The following PCNX1 variants were observed in gnomAD, a reference collection of about 807,000 sequenced individuals.
PCNX1 encodes pecanex-like protein 1.
In PCNX1, 78 loss-of-function variants were observed where a neutral mutation model predicts 242.2. That is an observed-to-expected ratio of 0.32 (90% confidence interval 0.27 to 0.39). PCNX1 has a LOEUF of 0.39. Ranked by LOEUF, PCNX1 falls within the 10% of genes least tolerant of loss-of-function variation. The pLI, the probability that PCNX1 is intolerant of heterozygous loss-of-function variation, is 1.00. For missense variants in PCNX1, 2,581 were observed against 2,856.5 expected, an observed-to-expected ratio of 0.90 and a Z score of 2.20; for synonymous variants, 1,024 against 1,032.9, an observed-to-expected ratio of 0.99 and a Z score of 0.17.
intron 19 of PCNX1, among the ~76,000 whole-genome samples, chr14:71,040,830 C>T (rs1438509209): frequency 6.6e-6 from 1 of 151,998 alleles, no homozygotes; most frequent in South Asian, 2.1e-4. Flanking sequence ...CCCCACCACC[C>T]CTACTACCCT....
chr14:71,110,637 C>G lies in PCNX1; in HGVS notation c.*702C>G, dbSNP rs747734995. ...CACAGGTAGCAGGAACTGTGCTGCT[C>G]ATTTTTCTGTTAGTAGTGTGTACTT... On this transcript the variant is annotated 3_prime_UTR_variant, in exon 36 of 36. Coordinates refer to ENST00000304743, the MANE Select transcript of PCNX1 (RefSeq NM_014982.3). The G allele has an allele frequency of 6.6e-6, 1 of 152,388 alleles. No individual in the cohort carries two copies. The allele number at this position is 152,388 out of a possible 1,614,324, so 9.4% of individuals were successfully genotyped here. A position where few individuals can be genotyped will look rare whatever the true frequency, so the allele number is the denominator to read the frequency against.
At chr14:71,038,636 A>G (rs923995682) in intron 19 of PCNX1, among the ~76,000 whole-genome samples, 3 of 150,686 alleles carry the variant, frequency 2.0e-5, no homozygotes, top group South Asian at 2.1e-4. Flanking sequence ...ACTGTAAACT[A>G]GTTCAACCAT....
chr14:71,097,270 A>G (rs1431917110), intron 30 of PCNX1, among the ~76,000 whole-genome samples: 2 of 152,206 alleles, frequency 1.3e-5, no homozygotes, highest in Non-Finnish European at 2.9e-5. Flanking sequence ...TGTTGCAATG[A>G]ACGTAAGAAT....
chr14:70,951,987 G>T lies in PCNX1; in HGVS notation c.362+4864G>T, dbSNP rs145972181. Among the ~76,000 whole-genome samples the T allele has an allele frequency of 8.8e-3, 1,336 of 152,252 alleles. 9 individuals are homozygous for T. Among genetic ancestry groups the T allele is most frequent in the South Asian group, 0.017 (81 of 4,828 alleles). On this transcript the variant is annotated intron_variant, in intron 2 of 35. Coordinates refer to ENST00000304743, the MANE Select transcript of PCNX1 (RefSeq NM_014982.3). ...CATATTCGTACATTGTGGATAAGTGGACAGAATGTAGACTTCACACTCAGT... is the reference window on the plus strand; with the variant it reads ...CATATTCGTACATTGTGGATAAGTGTACAGAATGTAGACTTCACACTCAGT...
chr14:71,072,450 AGTGCTAAAGAGCACTCTGTAGCT>A (rs927442469), intron 26 of PCNX1, among the ~76,000 whole-genome samples: 2 of 152,176 alleles, frequency 1.3e-5, no homozygotes, highest in South Asian at 2.1e-4. Context: ...AGGGCTATAG[AGTGCTAAAGAGCACTCTGTAGCT>A]GTGCTAAACA....
rs780751932 is a variant in PCNX1 at position 70,976,971 on chromosome 14, C to T, written c.634C>T (p.Leu212Phe). ...DLAADRKLFR[L>F]VSNDSFISIQ... is the part of the protein sequence containing the mutation. ...GGCAGCTGATCGGAAGCTCTTTCGT[C>T]TTGTCTCCAATGACTCCTTCATCTC... The change falls in exon 6 of 36, where the codon CTT (leucine) becomes TTT (phenylalanine). Residue 212 changes from leucine to phenylalanine, a missense_variant. This residue lies in a region of PCNX1 where 1,204 missense variants were observed against 1,216.7 expected (regional missense o/e 0.99). Coordinates refer to ENST00000304743, the MANE Select transcript of PCNX1 (RefSeq NM_014982.3). 6 of 1,613,410 alleles carry T rather than the reference C, an allele frequency of 3.7e-6. No homozygotes were observed. In the East Asian group the frequency reaches 1.3e-4, roughly 36 times the overall value.
intron 26 of PCNX1, among the ~76,000 whole-genome samples, chr14:71,067,082 T>C (rs1300418703): frequency 6.6e-6 from 1 of 151,926 alleles, no homozygotes; most frequent in African/African-American, 2.4e-5. Flanking sequence ...TTTTTTTTTT[T>C]AATGTCTCTG....
In PCNX1 at chr14:71,073,634, C is replaced by G; in HGVS notation, c.4942C>G (p.Pro1648Ala). 1 of 1,613,996 alleles carries G rather than the reference C, an allele frequency of 6.2e-7. No homozygotes were observed. Among genetic ancestry groups the G allele is most frequent in the Admixed American group, 1.7e-5 (1 of 60,002 alleles). Residue 1648 changes from proline (P) to alanine (A), a missense_variant, in exon 27 of 36, where the codon CCT becomes GCT. Physicochemically the swap from Pro to Ala is conservative, Grantham distance 27 (BLOSUM62 -1). Around this residue, in one of 9 missense-constraint regions of PCNX1, gnomAD observed 298 missense variants for 480.1 expected, o/e 0.62. Coordinates refer to ENST00000304743, the MANE Select transcript of PCNX1 (RefSeq NM_014982.3). ...GFCCCEPGHI[P>A]HMLSFNAAFS... Reference sequence around the variant, plus strand: ...TTGCTGTTGTGAACCTGGCCATATTCCTCACATGCTTTCATTTAATGCTGC... The same window carrying G: ...TTGCTGTTGTGAACCTGGCCATATTGCTCACATGCTTTCATTTAATGCTGC...
In PCNX1 at chr14:71,012,558, G is replaced by A. The variant is rs372544896; in HGVS notation, c.2779-427G>A. On this transcript the variant is annotated intron_variant, in intron 10 of 35. Transcript: ENST00000304743. ...CATATTCATAAAGAGTAGGCTGGGC[G>A]CAGTGGCTCCTGCCTGTAATCCCAG... The A allele has an allele frequency of 6.0e-5, 13 of 215,100 alleles. No homozygotes were observed. In the East Asian group the frequency reaches 1.8e-3, roughly 29 times the overall value. The allele number at this position is 215,100 out of a possible 1,614,324, so 13.3% of individuals were successfully genotyped here. A position where few individuals can be genotyped will look rare whatever the true frequency, so the allele number is the denominator to read the frequency against.
At position 71,057,686 on chromosome 14, in the gene PCNX1, G is replaced by A. The variant is rs1028145780; in HGVS notation, c.4814G>A (p.Gly1605Asp). ...GTACACCTTATAGAGATAGGCAATG[G>A]TCTGGTCACTTTTCAGCTGCGGGGA... ...ALVHLIEIGN[G>D]LVTFQLRGLE... Residue 1605 changes from glycine to aspartate, a missense_variant, in exon 26 of 36, where the codon GGT becomes GAT. Physicochemically the swap from Gly to Asp is moderately conservative, Grantham distance 94. This residue lies in a region of PCNX1 where 54 missense variants were observed against 45.3 expected (regional missense o/e 1.19). Transcript: ENST00000304743. The A allele has an allele frequency of 3.7e-6, 6 of 1,613,912 alleles. No individual in the cohort carries two copies. The Middle Eastern group carries it at 9.9e-4, about 266-fold the overall frequency.
rs754238163 is a variant in PCNX1, at chr14:71,110,271, A to G, written c.*336A>G. On this transcript the variant is annotated 3_prime_UTR_variant, in exon 36 of 36. Coordinates refer to ENST00000304743, the MANE Select transcript of PCNX1 (RefSeq NM_014982.3). ...TCAACAAACTCTTCATTTCTAAACT[A>G]TGATCTCATATTTTTCTAATTTCTT... 1.2e-5 allele frequency: 4 copies of G among 323,728 alleles called. No individual in the cohort carries two copies. The highest frequency in any genetic ancestry group is 2.4e-5 in the Non-Finnish European group (4 of 167,498). 20.1% of individuals were successfully genotyped at this position (323,728 alleles called of 1,614,324 possible). A position where few individuals can be genotyped will look rare whatever the true frequency, so the allele number is the denominator to read the frequency against.
chr14:70,910,054 C>G (rs1594862044), intron 1 of PCNX1, among the ~76,000 whole-genome samples: 4 of 101,740 alleles, frequency 3.9e-5, no homozygotes, highest in East Asian at 3.1e-4. Flanking sequence ...CCTCCTCCTC[C>G]TCCTCCTCCC....
At chr14:70,932,968 A>G (rs1011411812) in intron 1 of PCNX1, among the ~76,000 whole-genome samples, 8 of 152,192 alleles carry the variant, frequency 5.3e-5, no homozygotes, top group Non-Finnish European at 8.8e-5. Context: ...ATTTTTTACA[A>G]TAATCCTAAA....
At chr14:70,962,108 T>A in intron 2 of PCNX1, 118 bp from the exon 3 acceptor site, 5 of 670,060 alleles carry the variant, frequency 7.5e-6, no homozygotes, top group Non-Finnish European at 1.3e-5. Context: ...ATTTGCTGGA[T>A]TAAAAATCAG....
At chr14:71,106,765 G>T (rs2062633997) in intron 33 of PCNX1, among the ~76,000 whole-genome samples, 1 of 152,042 alleles carries the variant, frequency 6.6e-6, no homozygotes, top group Admixed American at 6.5e-5. Flanking sequence ...AAAGTGCCTA[G>T]TTACATCTTT....
At chr14:71,043,684 A>C (rs546348609) in intron 19 of PCNX1, among the ~76,000 whole-genome samples, 8 of 152,090 alleles carry the variant, frequency 5.3e-5, no homozygotes, top group African/African-American at 1.9e-4. Context: ...GTTCCCTTTT[A>C]TGAAATATCT....
intron 26 of PCNX1, among the ~76,000 whole-genome samples, chr14:71,061,884 G>T (rs895004818): frequency 6.6e-6 from 1 of 152,146 alleles, no homozygotes; most frequent in African/African-American, 2.4e-5. Context: ...GGAACACATA[G>T]CTGAAGAACA....
chr14:71,036,307 A>G (rs949934339), intron 19 of PCNX1, 150 bp downstream of exon 19: 1 of 557,372 alleles, frequency 1.8e-6, no homozygotes, highest in East Asian at 3.0e-5. Context: ...CTAGGACTAC[A>G]GTTGTGCACC....
chr14:71,076,677 T>C (rs1163470902), intron 28 of PCNX1, among the ~76,000 whole-genome samples: 1 of 152,230 alleles, frequency 6.6e-6, no homozygotes, highest in Non-Finnish European at 1.5e-5. Flanking sequence ...ATCCTGGGCA[T>C]GTACAGGCAT....
Sources: gnomAD v4.1 joint callset for allele counts (sites outside exome capture counted in the v4.1 genomes callset) on GRCh38, gnomAD v4.1.1 for gene constraint, gnomAD v4.1.1 regional missense constraint, MANE v1.5 for transcripts, NCBI Gene and HGNC (gene_info 2026-07-23, HGNC 2026-07-21) for gene names.